Variants in LACRT observed in about 807,000 individuals in gnomAD.
LACRT encodes lacritin, also known as extracellular glycoprotein lacritin.
LACRT carries 14 observed loss-of-function variants against 14.5 expected under a neutral mutation model. The observed-to-expected ratio is 0.96, with a 90% CI of 0.64 to 1.51. The LOEUF (loss-of-function observed/expected upper bound fraction) is 1.51. Among genes scored for constraint, LACRT ranks in the 40% most tolerant of loss-of-function variants. LACRT has a pLI of 0.00. For synonymous variants in LACRT, 70 were observed against 63.5 expected, an observed-to-expected ratio of 1.10 and a Z score of -0.48; for missense variants, 156 against 161.8, an observed-to-expected ratio of 0.96 and a Z score of 0.19.
At chr12:54,633,373 T>C in intron 1 of LACRT, 140 bp from the exon 2 acceptor site, 1 of 731,718 alleles carries the variant, frequency 1.4e-6, no homozygotes, top group Non-Finnish European at 2.3e-6. Context: ...GGGTTGGACA[T>C]GCCCTTCCAC....
At chr12:54,634,124 A>G (rs1348501802) in intron 1 of LACRT, among the ~76,000 whole-genome samples, 1 of 152,098 alleles carries the variant, frequency 6.6e-6, no homozygotes, top group Non-Finnish European at 1.5e-5. Flanking sequence ...AGGCCAAGGC[A>G]GTCGGATCAC....
rs143113986 is a variant in LACRT at position 54,631,521 on chromosome 12, G to A, written c.355+217C>T. 9.9e-3 allele frequency among the ~76,000 whole-genome samples: 1,507 copies of A among 152,302 alleles called. 21 individuals are homozygous for A. The highest frequency in any genetic ancestry group is 0.035 in the African/African-American group (1,452 of 41,568). ...CTCCCAAAGTGCTGGGATTACAGGC[G>A]TGAACCACCGTGCCCAGCTGGCAAT... On this transcript the variant is annotated intron_variant, in intron 4 of 4. Transcript: ENST00000257867.
chr12:54,632,777 G>C (rs1171096230), intron 2 of LACRT, among the ~76,000 whole-genome samples: 1 of 152,136 alleles, frequency 6.6e-6, no homozygotes, highest in South Asian at 2.1e-4. Flanking sequence ...ACATAAAAGA[G>C]AGTCATGGAA....
chr12:54,632,472 G>C, intron 2 of LACRT, 91 bp from the exon 3 acceptor site: 1 of 1,439,798 alleles, frequency 6.9e-7, no homozygotes, highest in Non-Finnish European at 9.6e-7. Context: ...CCTAATGTGT[G>C]CTGGGTGCCA....
At position 54,632,242 on chromosome 12, in the gene LACRT, CAG is replaced by C; in HGVS notation, c.250_251del (p.Leu84GlufsTer38). 6.2e-7 allele frequency: 1 copy of C among 1,614,044 alleles called. No individual in the cohort carries two copies. Among genetic ancestry groups the C allele is most frequent in the South Asian group, 1.1e-5 (1 of 91,060 alleles). On this transcript the variant is annotated frameshift_variant and splice_region_variant, in exon 3 of 5. Transcript: ENST00000257867. LOFTEE classifies it high-confidence loss of function. The part of the protein sequence containing the change: ...VTSSRQELNP[L>X]KSIVEKSILL... ...TCTGGCATAGAGACAGAGACTTACT[CAG>C]GGGGTTTAGTTCCTGCCTGCTTGAG...
intron 1 of LACRT, among the ~76,000 whole-genome samples, chr12:54,633,470 C>G (rs934156041): frequency 1.3e-5 from 2 of 152,094 alleles, no homozygotes; most frequent in East Asian, 3.9e-4. Flanking sequence ...TGTAATGTCT[C>G]TTGGAACAGT....
In LACRT at chr12:54,632,235, A is replaced by G. The variant is rs1168579488; in HGVS notation, c.253+6T>C. 2 of 1,613,920 alleles carry G rather than the reference A, an allele frequency of 1.2e-6. No individual in the cohort carries two copies. Among genetic ancestry groups the G allele is most frequent in the East Asian group, 4.5e-5 (2 of 44,868 alleles). On this transcript the variant is annotated splice_donor_region_variant and intron_variant, in intron 3 of 4. Transcript: ENST00000257867. ...TTGTTGATCTGGCATAGAGACAGAGACTTACTCAGGGGGTTTAGTTCCTGC... is the reference window on the plus strand; with the variant it reads ...TTGTTGATCTGGCATAGAGACAGAGGCTTACTCAGGGGGTTTAGTTCCTGC...
At chr12:54,634,664 C>G (rs1310713956) in intron 1 of LACRT, 120 bp downstream of exon 1, 26 of 970,546 alleles carry the variant, frequency 2.7e-5, no homozygotes, top group Non-Finnish European at 4.1e-5. Context: ...AGAGGAGTCA[C>G]TTGCAGAGGC....
At chr12:54,633,324 T>G in intron 1 of LACRT, 91 bp from the exon 2 acceptor site, 2 of 1,126,884 alleles carry the variant, frequency 1.8e-6, no homozygotes, top group Non-Finnish European at 2.6e-6. Flanking sequence ...GCTTATCTCC[T>G]GGGAATGCTC....
chr12:54,634,783 C>T lies in LACRT; in HGVS notation c.58+1G>A. 6.2e-7 allele frequency: 1 copy of T among 1,613,558 alleles called. No homozygotes were observed. Among genetic ancestry groups the T allele is most frequent in the Non-Finnish European group, 8.5e-7 (1 of 1,179,578 alleles). On this transcript the variant is annotated splice_donor_variant, in intron 1 of 4. Transcript: ENST00000257867. LOFTEE classifies it high-confidence loss of function. Reference sequence around the variant, plus strand: ...GGGCGCAGAGGAAAGGCCATACTCACCAGCATAGACCAGGGCCCCTGCTAC... The same window carrying T: ...GGGCGCAGAGGAAAGGCCATACTCATCAGCATAGACCAGGGCCCCTGCTAC...
In LACRT at chr12:54,633,235, T is replaced by A. The variant is rs1325360748; in HGVS notation, c.59-2A>T. ...CCGTCGAGTCAGAGGAGGCATCTTCTGCAATGGGGGAAACATGCCAGATGA... is the reference window on the plus strand; with the variant it reads ...CCGTCGAGTCAGAGGAGGCATCTTCAGCAATGGGGGAAACATGCCAGATGA... On this transcript the variant is annotated splice_acceptor_variant, in intron 1 of 4. Coordinates refer to ENST00000257867, the MANE Select transcript of LACRT (RefSeq NM_033277.2). LOFTEE classifies it high-confidence loss of function. The A allele has an allele frequency of 6.2e-7, 1 of 1,613,572 alleles. No individual in the cohort carries two copies. Among genetic ancestry groups the A allele is most frequent in the Non-Finnish European group, 8.5e-7 (1 of 1,179,802 alleles).
chr12:54,634,761 C>T (rs202218625), intron 1 of LACRT, 23 bp downstream of exon 1: 168 of 1,608,594 alleles, frequency 1.0e-4, no homozygotes, highest in Non-Finnish European at 1.3e-4. Context: ...TCTTGTGGGG[C>T]GCAGAGGAAA....
chr12:54,633,087 C>T, intron 2 of LACRT, 93 bp downstream of exon 2: 1 of 1,194,542 alleles, frequency 8.4e-7, no homozygotes, highest in Non-Finnish European at 1.3e-6. Context: ...TCCAGATCTC[C>T]TCCCACTGGC....
At chr12:54,633,074 G>T in intron 2 of LACRT, 106 bp downstream of exon 2, 1 of 1,088,006 alleles carries the variant, frequency 9.2e-7, no homozygotes, top group Non-Finnish European at 1.4e-6. Flanking sequence ...ACCAAGCACA[G>T]AATCCAGATC....
In LACRT at chr12:54,633,180, A is replaced by G. The variant is rs761925313; in HGVS notation, c.112T>C (p.Ser38Pro). The part of the protein sequence containing the change: ...GADPAQEAGT[S>P]KPNEEISGPA... ...GGGCAGCAGGGAGAGGAGGACTCAC[A>G]GGTCCCAGCTTCCTGGGCAGGATCA... Residue 38 changes from serine to proline, a missense_variant and splice_region_variant, in exon 2 of 5, where the codon TCT (serine) becomes CCT (proline). By Grantham distance (74) the Ser-to-Pro change is moderately conservative (BLOSUM62 -1). Coordinates refer to ENST00000257867, the MANE Select transcript of LACRT (RefSeq NM_033277.2). 1.4e-5 allele frequency: 22 copies of G among 1,613,692 alleles called. No individual in the cohort carries two copies. Among genetic ancestry groups the G allele is most frequent in the Middle Eastern group, 1.6e-4 (1 of 6,082 alleles).
chr12:54,632,222 C>T lies in LACRT; in HGVS notation c.253+19G>A. ...AGACTTTTCTAGGTTGTTGATCTGG[C>T]ATAGAGACAGAGACTTACTCAGGGG... On this transcript the variant is annotated intron_variant, in intron 3 of 4. Transcript: ENST00000257867. 6.2e-7 allele frequency: 1 copy of T among 1,613,772 alleles called. No individual in the cohort carries two copies. Among genetic ancestry groups the T allele is most frequent in the Non-Finnish European group, 8.5e-7 (1 of 1,179,780 alleles).
At position 54,632,310 on chromosome 12, in the gene LACRT, C is replaced by T. The variant is rs1958157905; in HGVS notation, c.184G>A (p.Glu62Lys). 1.2e-6 allele frequency: 2 copies of T among 1,614,104 alleles called. No individual in the cohort carries two copies. Among genetic ancestry groups the T allele is most frequent in the Middle Eastern group, 1.6e-4 (1 of 6,062 alleles). ...SPPETTTTAQ[E>K]TSAAAVQGTA... ...CCCTGAACTGCTGCCGCCGAAGTCT[C>T]CTGGGCTGTTGTGGTTGTCTCTGGG... The change falls in exon 3 of 5, where the codon GAG (glutamate) becomes AAG (lysine). Residue 62 changes from glutamate to lysine, a missense_variant. Glu to Lys is a moderately conservative substitution (Grantham distance 56). Coordinates refer to ENST00000257867, the MANE Select transcript of LACRT (RefSeq NM_033277.2).
chr12:54,633,361 T>A, intron 1 of LACRT, 128 bp from the exon 2 acceptor site: 1 of 823,558 alleles, frequency 1.2e-6, no homozygotes, highest in Non-Finnish European at 2.0e-6. Context: ...CAATTTCCCT[T>A]TGGGTTGGAC....
At chr12:54,633,915 T>C (rs74089713) in intron 1 of LACRT, among the ~76,000 whole-genome samples, 7,067 of 152,070 alleles carry the variant, frequency 0.046, 524 homozygotes, top group African/African-American at 0.16. Flanking sequence ...TGAAAAATCA[T>C]TGGCCAGGTG....
Sources: gnomAD v4.1 joint callset for allele counts (sites outside exome capture counted in the v4.1 genomes callset) on GRCh38, gnomAD v4.1.1 for gene constraint, MANE v1.5 for transcripts, NCBI Gene and HGNC (gene_info 2026-07-23, HGNC 2026-07-21) for gene names.